The following DGLUCY variants were observed in gnomAD, a reference collection of about 807,000 sequenced individuals.
The protein encoded by DGLUCY is D-glutamate cyclase, mitochondrial.
DGLUCY carries 58 observed loss-of-function variants against 58.5 expected under a neutral mutation model. That is an observed-to-expected ratio of 0.99 (90% confidence interval 0.80 to 1.23). The LOEUF (loss-of-function observed/expected upper bound fraction) is 1.23, where lower values mean the gene tolerates loss of function less well. Among genes scored for constraint, DGLUCY ranks in the 50% most tolerant of loss-of-function variants. The pLI is 0.00. For synonymous variants in DGLUCY, 325 were observed against 314.1 expected (o/e 1.03, Z -0.37); for missense variants, 779 against 784.7 (o/e 0.99, Z 0.09).
At chr14:91,175,850 T>G in intron 6 of DGLUCY, 84 bp from the exon 7 acceptor site, 1 of 1,487,748 alleles carries the variant, frequency 6.7e-7, no homozygotes, top group Non-Finnish European at 9.3e-7. Context: ...GTTTCTGTTT[T>G]AGAGAAAGAA....
chr14:91,111,296 T>TC (rs1357596290), upstream of DGLUCY, among the ~76,000 whole-genome samples: 3 of 150,618 alleles, frequency 2.0e-5, no homozygotes, highest in Admixed American at 2.0e-4. Flanking sequence ...ATATATTTTT[T>TC]TTTGAGATGG....
intron 1 of DGLUCY, among the ~76,000 whole-genome samples, chr14:91,073,660 G>C (rs1031313885): frequency 6.6e-6 from 1 of 152,064 alleles, no homozygotes; most frequent in Non-Finnish European, 1.5e-5. Context: ...CTGGTTGCTG[G>C]CTTTGAAAAT....
intron 1 of DGLUCY, among the ~76,000 whole-genome samples, chr14:91,073,818 G>A (rs1441404534): frequency 6.6e-6 from 1 of 152,052 alleles, no homozygotes; most frequent in Non-Finnish European, 1.5e-5. Flanking sequence ...CCAGGAGTTC[G>A]AGGCTGCAGT....
rs532773814 is a variant in DGLUCY at position 91,108,221 on chromosome 14, G to A, written c.-82+160G>A. 3.4e-4 allele frequency among the ~76,000 whole-genome samples: 52 copies of A among 152,188 alleles called. 2 individuals are homozygous for A. The East Asian group carries it at 5.6e-3, about 16-fold the overall frequency. ...CAATAGGGCCAGGTGGGAGTCGAGC[G>A]TACAAGTGTAGGGTCAGTCCCTGTC... On this transcript the variant is annotated intron_variant, in intron 1 of 4. Transcript: ENST00000518871.
intron 11 of DGLUCY, among the ~76,000 whole-genome samples, chr14:91,202,058 A>AAATAATAAT (rs10523866): frequency 0.026 from 3,735 of 142,576 alleles, 131 homozygotes; most frequent in African/African-American, 0.081. Flanking sequence ...TCTGTCTCAA[A>AAATAATAAT]AATAATAATA....
intron 1 of DGLUCY, among the ~76,000 whole-genome samples, chr14:91,090,200 G>A (rs1034258956): frequency 6.6e-6 from 1 of 152,046 alleles, no homozygotes; most frequent in Non-Finnish European, 1.5e-5. Flanking sequence ...TCCAGACAGG[G>A]TCTGAAATTA....
At chr14:91,133,239 G>C (rs1489524984) in intron 1 of DGLUCY, among the ~76,000 whole-genome samples, 1 of 152,052 alleles carries the variant, frequency 6.6e-6, no homozygotes, top group Non-Finnish European at 1.5e-5. Flanking sequence ...AGGTTGCAGT[G>C]AGCCGAGATC....
chr14:91,211,852 G>C (rs1885724978), intron 12 of DGLUCY, among the ~76,000 whole-genome samples: 1 of 152,182 alleles, frequency 6.6e-6, no homozygotes, highest in Non-Finnish European at 1.5e-5. Flanking sequence ...CCAGGCTGGA[G>C]TGCAGTGGCA....
At chr14:91,214,220 C>T (rs1444296007) in intron 12 of DGLUCY, among the ~76,000 whole-genome samples, 3 of 152,092 alleles carry the variant, frequency 2.0e-5, no homozygotes, top group Non-Finnish European at 2.9e-5. Flanking sequence ...CATAGTGGCC[C>T]GTGGCTGGCC....
chr14:91,092,896 C>T (rs954037807), intron 1 of DGLUCY, among the ~76,000 whole-genome samples: 10 of 152,008 alleles, frequency 6.6e-5, no homozygotes, highest in Non-Finnish European at 1.3e-4. Flanking sequence ...CCAGCCTGGC[C>T]AACATGGTGA....
At chr14:91,071,538 A>T (rs1220780611) in intron 1 of DGLUCY, among the ~76,000 whole-genome samples, 1 of 152,198 alleles carries the variant, frequency 6.6e-6, no homozygotes, top group Non-Finnish European at 1.5e-5. Context: ...TTTTAAATAC[A>T]GAACCAAGAA....
intron 11 of DGLUCY, among the ~76,000 whole-genome samples, chr14:91,203,738 G>A (rs146163358): frequency 9.3e-5 from 14 of 151,018 alleles, no homozygotes; most frequent in African/African-American, 3.4e-4. Context: ...GTGCAGTGAT[G>A]TGATCTCAGC....
At chr14:91,210,918 A>G (rs1293801096) in intron 12 of DGLUCY, among the ~76,000 whole-genome samples, 1 of 152,244 alleles carries the variant, frequency 6.6e-6, no homozygotes, top group East Asian at 1.9e-4. Flanking sequence ...AGGAATAAAT[A>G]AAATTGTCTT....
Position 91,081,373 on chromosome 14 carries a change from C to A in DGLUCY, c.-82+20669C>A, listed in dbSNP as rs142798332. On this transcript the variant is annotated intron_variant, in intron 1 of 4. Transcript: ENST00000521334. Reference sequence around the variant, plus strand: ...TACGGTACTAAATTTCAAATGACTTCATCATAAGTAATAGGGATTCATAGA... The same window carrying A: ...TACGGTACTAAATTTCAAATGACTTAATCATAAGTAATAGGGATTCATAGA... 5.8e-3 allele frequency among the ~76,000 whole-genome samples: 877 copies of A among 152,314 alleles called. 4 individuals are homozygous for A. The highest frequency in any genetic ancestry group is 0.014 in the Admixed American group (211 of 15,292).
intron 1 of DGLUCY, among the ~76,000 whole-genome samples, chr14:91,072,148 C>T (rs987721322): frequency 2.6e-5 from 4 of 151,944 alleles, no homozygotes; most frequent in African/African-American, 9.7e-5. Flanking sequence ...CCTGGGGAAA[C>T]CCCTTATCTA....
chr14:91,113,708 C>T (rs1039988497), upstream of DGLUCY, among the ~76,000 whole-genome samples: 1 of 152,218 alleles, frequency 6.6e-6, no homozygotes, highest in African/African-American at 2.4e-5. Context: ...GACCCTAGAT[C>T]TTCTGGATCA....
chr14:91,099,392 G>T (rs1027521910), intron 1 of DGLUCY, among the ~76,000 whole-genome samples: 4 of 152,100 alleles, frequency 2.6e-5, no homozygotes, highest in African/African-American at 9.7e-5. Context: ...AATTAGCCAG[G>T]CATGGGAGCA....
chr14:91,070,670 G>C (rs2043899953), intron 1 of DGLUCY, among the ~76,000 whole-genome samples: 1 of 151,878 alleles, frequency 6.6e-6, no homozygotes, highest in Admixed American at 6.6e-5. Context: ...TGAACAAGAG[G>C]GAAAACAATG....
At chr14:91,206,043 T>A (rs182051617) in intron 12 of DGLUCY, among the ~76,000 whole-genome samples, 11 of 151,904 alleles carry the variant, frequency 7.2e-5, no homozygotes, top group Admixed American at 2.6e-4. Flanking sequence ...TTTCACCATA[T>A]TGGCCAGGCT....
Sources: gnomAD v4.1 joint callset for allele counts (sites outside exome capture counted in the v4.1 genomes callset) on GRCh38, gnomAD v4.1.1 for gene constraint, MANE v1.5 for transcripts, NCBI Gene and HGNC (gene_info 2026-07-23, HGNC 2026-07-21) for gene names.